Variants in IKZF1 observed in about 807,000 individuals in gnomAD.
IKZF1 encodes the protein IKAROS family zinc finger 1.
IKZF1 carries 10 observed loss-of-function variants against 51.7 expected under a neutral mutation model. That is an observed-to-expected ratio of 0.19 (90% confidence interval 0.12 to 0.33). The LOEUF (loss-of-function observed/expected upper bound fraction) is 0.33. IKZF1 is among the 10% of genes least tolerant of loss of function. IKZF1 has a pLI of 1.00. For missense variants in IKZF1, 484 were observed against 707.5 expected, an observed-to-expected ratio of 0.68 and a Z score of 3.58; for synonymous variants, 280 against 282.3, an observed-to-expected ratio of 0.99 and a Z score of 0.08.
In IKZF1 at chr7:50,403,698, C is replaced by G. The variant is rs1203087008; in HGVS notation, c.*3071C>G. The stretch of plus-strand genomic sequence containing the variant: ...TAGCACCAATTGCTTCACATACCAG[C>G]ATGTTCCATTTCCAATTTAGAATTA... On this transcript the variant is annotated 3_prime_UTR_variant, in exon 8 of 8. Coordinates refer to ENST00000331340, the MANE Select transcript of IKZF1 (RefSeq NM_006060.6). 6 of 229,142 alleles carry G rather than the reference C, an allele frequency of 2.6e-5. No homozygotes were observed. In the East Asian group the frequency reaches 3.7e-4, roughly 14 times the overall value. 14.2% of individuals were successfully genotyped at this position (229,142 alleles called of 1,614,324 possible). A position where few individuals can be genotyped will look rare whatever the true frequency, so the allele number is the denominator to read the frequency against.
In IKZF1 at chr7:50,325,857, C is replaced by T. The variant is rs924397826; in HGVS notation, c.41-1781C>T. ...TGCCAAGGCTTTAGCATAACATGAA[C>T]ACTTTCACTCAATGTCTCTCTGGCC... On this transcript the variant is annotated intron_variant, in intron 2 of 7. Transcript: ENST00000331340. Among the ~76,000 whole-genome samples the T allele has an allele frequency of 4.6e-5, 7 of 152,048 alleles. No individual in the cohort carries two copies. The East Asian group carries it at 1.3e-3, about 29-fold the overall frequency.
chr7:50,400,459 C>T lies in IKZF1; in HGVS notation c.1392C>T (p.Cys464=), dbSNP rs372457469. The T allele has an allele frequency of 3.1e-6, 5 of 1,613,882 alleles. No homozygotes were observed. In the African/African-American group the frequency reaches 5.3e-5, roughly 17 times the overall value. The change falls in exon 8 of 8, where the codon TGC becomes TGT. Residue 464 remains cysteine (C), a synonymous_variant. Transcript: ENST00000331340. The surrounding 1 kb of genome is among the most constrained non-coding windows in gnomAD (Gnocchi z 5.4). ...TSGEQMKVYK[C]EHCRVLFLDH... is the part of the protein sequence containing the mutation. ...GGGAGCAGATGAAGGTGTACAAGTGCGAACACTGCCGGGTGCTCTTCCTGG... is the reference window on the plus strand; with the variant it reads ...GGGAGCAGATGAAGGTGTACAAGTGTGAACACTGCCGGGTGCTCTTCCTGG...
intron 3 of IKZF1, among the ~76,000 whole-genome samples, chr7:50,356,924 C>T (rs1803584027): frequency 6.6e-6 from 1 of 151,536 alleles, no homozygotes; most frequent in Admixed American, 6.6e-5. Context: ...GGCAGAAGGC[C>T]CGACTGTCCG....
intron 3 of IKZF1, among the ~76,000 whole-genome samples, chr7:50,351,895 T>G (rs144995655): frequency 0.02 from 3,085 of 152,180 alleles, 50 homozygotes; most frequent in Non-Finnish European, 0.029. Context: ...CTTTAAAGAC[T>G]TTCTTGAAAA....
rs756974868 is a variant in IKZF1, at chr7:50,400,644, C to A, written c.*17C>A. On this transcript the variant is annotated 3_prime_UTR_variant, in exon 8 of 8. Coordinates refer to ENST00000331340, the MANE Select transcript of IKZF1 (RefSeq NM_006060.6). This position sits in a 1 kb window ranked among gnomAD's most constrained non-coding sequence, Gnocchi z 5.4. ...ATGAGCTAAAGCCCTCCCGCGCCCC[C>A]ACCCCAGACCCCGAGCCACCCCAGG... 26 of 1,594,028 alleles carry A rather than the reference C, an allele frequency of 1.6e-5. No homozygotes were observed. Among genetic ancestry groups the A allele is most frequent in the Non-Finnish European group, 2.0e-5 (24 of 1,175,662 alleles).
chr7:50,328,586 A>G (rs976967661), intron 3 of IKZF1: 15 of 152,232 alleles, frequency 9.9e-5, no homozygotes, highest in African/African-American at 3.6e-4. Flanking sequence ...ATTGGCATAA[A>G]AGAATATGAA....
At chr7:50,385,470 G>T (rs991755498) in intron 5 of IKZF1, among the ~76,000 whole-genome samples, 1 of 152,216 alleles carries the variant, frequency 6.6e-6, no homozygotes, top group African/African-American at 2.4e-5. Flanking sequence ...GACAGCAAGA[G>T]GGTGCTGGGG....
At chr7:50,377,102 G>A (rs1363455502) in intron 4 of IKZF1, 1 of 360,492 alleles carries the variant, frequency 2.8e-6, no homozygotes, top group African/African-American at 2.1e-5. Context: ...TCTCAGCTGA[G>A]CCCTCAGGGT....
chr7:50,391,716 T>C lies in IKZF1; in HGVS notation c.716-13T>C. ...AAGCCTTTCTAAACTGGCCTCTCTG[T>C]CTTTGACTTTAGTCATTAAAGAAGA... On this transcript the variant is annotated splice_polypyrimidine_tract_variant and intron_variant, in intron 6 of 7. Transcript: ENST00000331340. 6.2e-7 allele frequency: 1 copy of C among 1,613,726 alleles called. No homozygotes were observed. The highest frequency in any genetic ancestry group is 8.5e-7 in the Non-Finnish European group (1 of 1,179,812).
chr7:50,321,687 G>A (rs1793369046), intron 2 of IKZF1, among the ~76,000 whole-genome samples: 1 of 152,060 alleles, frequency 6.6e-6, no homozygotes, highest in African/African-American at 2.4e-5. Flanking sequence ...TGACACCTAG[G>A]AATTCATCTC....
intron 4 of IKZF1, among the ~76,000 whole-genome samples, chr7:50,381,450 G>A (rs558374544): frequency 8.5e-5 from 13 of 152,168 alleles, no homozygotes; most frequent in Non-Finnish European, 1.5e-4. Context: ...ATCACTCTTC[G>A]AAGTGAGAGT....
intron 3 of IKZF1, among the ~76,000 whole-genome samples, chr7:50,352,944 T>C (rs933021792): frequency 5.3e-5 from 8 of 152,244 alleles, no homozygotes; most frequent in African/African-American, 1.9e-4. Context: ...TTTCCTCTCT[T>C]ACATATTTTA....
Position 50,376,947 on chromosome 7 carries a change from C to T in IKZF1, c.421+154C>T. 3.1e-6 allele frequency: 4 copies of T among 1,293,396 alleles called. No individual in the cohort carries two copies. The highest frequency in any genetic ancestry group is 4.2e-6 in the Non-Finnish European group (4 of 959,776). 80.1% of individuals were successfully genotyped at this position (1,293,396 alleles called of 1,614,324 possible). The stretch of plus-strand genomic sequence containing the variant: ...CGATTGGTTCCAAGTGGTACCGAGT[C>T]ATAGAGTCCTTGTTCTGGTACAGCC... On this transcript the variant is annotated intron_variant, in intron 4 of 7. Coordinates refer to ENST00000331340, the MANE Select transcript of IKZF1 (RefSeq NM_006060.6). This position sits in a 1 kb window ranked among gnomAD's most constrained non-coding sequence, Gnocchi z 4.5.
At chr7:50,312,800 G>A (rs1337016060) in intron 1 of IKZF1, among the ~76,000 whole-genome samples, 1 of 152,220 alleles carries the variant, frequency 6.6e-6, no homozygotes, top group Non-Finnish European at 1.5e-5. Flanking sequence ...AAGTTTCACA[G>A]TGGAACAAAC....
rs760864891 is a variant in IKZF1, at chr7:50,400,393, C to T, written c.1326C>T (p.Ser442=). The stretch of plus-strand genomic sequence containing the variant: ...CCTACGACCTGCTGCGCGCCGCCTC[C>T]GAGAACTCGCAGGACGCGCTCCGCG... ...HRAYDLLRAA[S]ENSQDALRVV... The change falls in exon 8 of 8, where the codon TCC becomes TCT. Residue 442 remains serine (S), a synonymous_variant. Transcript: ENST00000331340. This position sits in a 1 kb window ranked among gnomAD's most constrained non-coding sequence, Gnocchi z 5.4. 4 of 1,613,350 alleles carry T rather than the reference C, an allele frequency of 2.5e-6. No individual in the cohort carries two copies. The highest frequency in any genetic ancestry group is 3.4e-6 in the Non-Finnish European group (4 of 1,179,808).
chr7:50,328,391 C>T (rs1026028723), intron 3 of IKZF1: 1 of 152,190 alleles, frequency 6.6e-6, no homozygotes, highest in Non-Finnish European at 1.5e-5. Flanking sequence ...AAACCAAAGA[C>T]GGAGAGAAGT....
chr7:50,353,576 A>T (rs1406747095), intron 3 of IKZF1, among the ~76,000 whole-genome samples: 2 of 152,326 alleles, frequency 1.3e-5, no homozygotes, highest in South Asian at 4.1e-4. Flanking sequence ...GCAGGAGAGG[A>T]CATCCTGGCC....
chr7:50,338,548 C>T (rs1377394936), intron 3 of IKZF1, among the ~76,000 whole-genome samples: 1 of 152,166 alleles, frequency 6.6e-6, no homozygotes. Context: ...TTGCCAGTTG[C>T]CACCTGTCCC....
intron 1 of IKZF1, among the ~76,000 whole-genome samples, chr7:50,316,412 C>T (rs1791541431): frequency 6.6e-6 from 1 of 152,178 alleles, no homozygotes; most frequent in East Asian, 1.9e-4. Flanking sequence ...GGTCTCCATG[C>T]TGGGGCAGGA....
Sources: allele counts gnomAD v4.1 joint callset (sites outside exome capture counted in the v4.1 genomes callset), GRCh38; gene constraint gnomAD v4.1.1; non-coding constraint Gnocchi (gnomAD v3.1); transcripts MANE v1.5; gene names NCBI Gene and HGNC (gene_info 2026-07-23, HGNC 2026-07-21).